Variants in SLC2A13 observed in about 807,000 individuals in gnomAD.
SLC2A13 encodes the protein solute carrier family 2 member 13, also known as proton myo-inositol cotransporter.
Under a neutral mutation model 64.4 loss-of-function variants are expected in SLC2A13, and 32 were observed. The observed-to-expected ratio is 0.50, with a 90% CI of 0.37 to 0.67. The LOEUF (loss-of-function observed/expected upper bound fraction) is 0.67, where lower values mean the gene tolerates loss of function less well. Among genes scored for constraint, SLC2A13 ranks in the 30% least tolerant of loss-of-function variants. The probability of loss-of-function intolerance (pLI) is 0.00; values close to 1 mark genes in which losing one functional copy is unlikely to be tolerated. For missense variants in SLC2A13, 743 were observed against 829.2 expected, an observed-to-expected ratio of 0.90 and a Z score of 1.28; for synonymous variants, 338 against 327.1, an observed-to-expected ratio of 1.03 and a Z score of -0.36.
At chr12:39,860,531 A>C (rs961471649) in intron 6 of SLC2A13, among the ~76,000 whole-genome samples, 2 of 152,154 alleles carry the variant, frequency 1.3e-5, no homozygotes, top group African/African-American at 4.8e-5. Flanking sequence ...CCAAATACCT[A>C]TTCAATATCC....
chr12:40,053,421 T>C (rs1948290669), intron 1 of SLC2A13, among the ~76,000 whole-genome samples: 1 of 152,078 alleles, frequency 6.6e-6, no homozygotes. Context: ...GGCAAGTTAA[T>C]GTCAAAATGG....
chr12:39,941,528 G>T (rs1946025664), intron 4 of SLC2A13, among the ~76,000 whole-genome samples: 1 of 152,176 alleles, frequency 6.6e-6, no homozygotes, highest in Admixed American at 6.5e-5. Context: ...CATTAGTGAT[G>T]TTGAGCATTT....
At chr12:39,902,500 A>T (rs1352090510) in intron 4 of SLC2A13, among the ~76,000 whole-genome samples, 5 of 152,076 alleles carry the variant, frequency 3.3e-5, no homozygotes, top group African/African-American at 9.7e-5. Flanking sequence ...AAACAGTGGC[A>T]TATCTCTGAT....
intron 7 of SLC2A13, among the ~76,000 whole-genome samples, chr12:39,779,309 A>G (rs1236131476): frequency 6.6e-6 from 1 of 152,208 alleles, no homozygotes; most frequent in East Asian, 1.9e-4. Context: ...TAACACTGCC[A>G]TCTGATTGCA....
chr12:39,816,449 AG>A (rs1942343278), intron 7 of SLC2A13, among the ~76,000 whole-genome samples: 1 of 101,418 alleles, frequency 9.9e-6, no homozygotes, highest in African/African-American at 3.8e-5. Context: ...GGGAGGGGGG[AG>A]GGATAGCATT....
At position 39,859,332 on chromosome 12, in the gene SLC2A13, T is replaced by TTTA. The variant is rs1566873946; in HGVS notation, c.1319+5429_1319+5430insTAA. Among the ~76,000 whole-genome samples, 5 of 72,322 alleles carry TTTA rather than the reference T, an allele frequency of 6.9e-5. 1 individual carries two copies. The highest frequency in any genetic ancestry group is 1.9e-4 in the Admixed American group (1 of 5,280). 47.4% of individuals were successfully genotyped at this position (72,322 alleles called of 152,430 possible). On this transcript the variant is annotated intron_variant, in intron 6 of 9. Transcript: ENST00000280871. ...AAGCTGGCAGTTTTTTTTTTTTTTCTGAAAAAAAAAAAAAAAAAAGTGATA... is the reference window on the plus strand; with the variant it reads ...AAGCTGGCAGTTTTTTTTTTTTTTCTTTAGAAAAAAAAAAAAAAAAAAGTGATA...
chr12:40,032,916 G>A (rs1218403284), intron 2 of SLC2A13, among the ~76,000 whole-genome samples: 1 of 152,296 alleles, frequency 6.6e-6, no homozygotes, highest in African/African-American at 2.4e-5. Context: ...TGATGATTAT[G>A]TTCCAAATAT....
At chr12:40,097,682 C>T (rs1052304579) in intron 1 of SLC2A13, among the ~76,000 whole-genome samples, 1 of 152,154 alleles carries the variant, frequency 6.6e-6, no homozygotes. Context: ...CACCATATCA[C>T]TTCATATCCA....
chr12:39,862,960 C>T (rs10784221), intron 6 of SLC2A13, among the ~76,000 whole-genome samples: 30,564 of 151,980 alleles, frequency 0.2, 3,454 homozygotes, highest in Non-Finnish European at 0.27. Context: ...CCATAAAAAC[C>T]CAGTAAGCGG....
rs1288505227 is a variant in SLC2A13, at chr12:40,105,688, G to A, written c.121C>T (p.Leu41Phe). 2 of 1,490,024 alleles carry A rather than the reference G, an allele frequency of 1.3e-6. No homozygotes were observed. The highest frequency in any genetic ancestry group is 1.3e-5 in the South Asian group (1 of 77,610). 92.3% of individuals were successfully genotyped at this position (1,490,024 alleles called of 1,614,324 possible). A position where few individuals can be genotyped will look rare whatever the true frequency, so the allele number is the denominator to read the frequency against. The change falls in exon 1 of 10, where the codon CTC becomes TTC. Residue 41 changes from leucine to phenylalanine, a missense_variant. Around this residue, in one of 2 missense-constraint regions of SLC2A13, gnomAD observed 448 missense variants for 447.4 expected, o/e 1.00. Transcript: ENST00000280871. The surrounding 1 kb of genome is among the most constrained non-coding windows in gnomAD (Gnocchi z 4.2). ...DAASAAGECS[L>F]LAAAESSTSL... ...GTGCTCGATTCGGCGGCAGCCAGGA[G>A]GCTGCACTCCCCGGCCGCGCTCGCC...
intron 7 of SLC2A13, among the ~76,000 whole-genome samples, chr12:39,792,833 C>T (rs1228077453): frequency 4.0e-5 from 6 of 151,186 alleles, no homozygotes; most frequent in African/African-American, 1.5e-4. Flanking sequence ...AAAAGTGGAC[C>T]ACGCAGTTCA....
intron 2 of SLC2A13, among the ~76,000 whole-genome samples, chr12:40,036,246 T>G (rs542430061): frequency 1.3e-5 from 2 of 152,300 alleles, no homozygotes; most frequent in South Asian, 2.1e-4. Flanking sequence ...GGCAGAAACA[T>G]TTATGTTATT....
At chr12:39,916,044 G>C (rs1189755103) in intron 4 of SLC2A13, among the ~76,000 whole-genome samples, 1 of 151,672 alleles carries the variant, frequency 6.6e-6, no homozygotes, top group Admixed American at 6.6e-5. Context: ...CCACCATTGA[G>C]AATATTCAAA....
intron 7 of SLC2A13, among the ~76,000 whole-genome samples, chr12:39,779,240 A>G (rs1940888581): frequency 6.6e-6 from 1 of 152,232 alleles, no homozygotes; most frequent in Non-Finnish European, 1.5e-5. Context: ...AGTTATCCAT[A>G]AAATGAGTAT....
intron 1 of SLC2A13, among the ~76,000 whole-genome samples, chr12:40,091,364 A>C (rs1041028416): frequency 3.3e-5 from 5 of 152,162 alleles, no homozygotes; most frequent in African/African-American, 7.2e-5. Context: ...GATTCTTTAT[A>C]ATTTACTTAT....
intron 7 of SLC2A13, among the ~76,000 whole-genome samples, chr12:39,809,798 G>A (rs570307118): frequency 6.6e-6 from 1 of 152,164 alleles, no homozygotes; most frequent in East Asian, 1.9e-4. Flanking sequence ...GAGAATGATG[G>A]TTTCCAGCTT....
rs2128277 is a variant in SLC2A13, at chr12:39,990,936, C to T, written c.925+37365G>A. Among the ~76,000 whole-genome samples, 51 of 151,906 alleles carry T rather than the reference C, an allele frequency of 3.4e-4. No homozygotes were observed. The South Asian group carries it at 4.2e-3, about 12-fold the overall frequency. On this transcript the variant is annotated intron_variant, in intron 3 of 9. Coordinates refer to ENST00000280871, the MANE Select transcript of SLC2A13 (RefSeq NM_052885.4). ...GGTTCAAGTCTCCTTTTTTCATCAA[C>T]GGAGCTCTCTCTCTCCCCCTGAAGT...
Position 39,895,541 on chromosome 12 carries a change from TATATATATATAC to T in SLC2A13, c.1035-23592_1035-23581del, listed in dbSNP as rs1334780286. Among the ~76,000 whole-genome samples, 12 of 93,504 alleles carry T rather than the reference TATATATATATAC, an allele frequency of 1.3e-4. 1 individual carries two copies. The highest frequency in any genetic ancestry group is 7.7e-4 in the East Asian group (2 of 2,582). 61.3% of individuals were successfully genotyped at this position (93,504 alleles called of 152,430 possible). ...ATATATATATATATATATATATATA[TATATATATATAC>T]ACACACACACACACGTGTATATGTA... is the stretch of plus-strand genomic sequence containing the variant. On this transcript the variant is annotated intron_variant, in intron 4 of 9. Transcript: ENST00000280871.
intron 7 of SLC2A13, among the ~76,000 whole-genome samples, chr12:39,816,708 AAAAC>A (rs1405035603): frequency 3.3e-5 from 5 of 152,102 alleles, no homozygotes; most frequent in East Asian, 1.9e-4. Flanking sequence ...ACTAGGATGA[AAAAC>A]AAACAAATAA....
Sources: allele counts gnomAD v4.1 joint callset (sites outside exome capture counted in the v4.1 genomes callset), GRCh38; gene constraint gnomAD v4.1.1; regional missense constraint gnomAD v4.1.1; non-coding constraint Gnocchi (gnomAD v3.1); transcripts MANE v1.5; gene names NCBI Gene and HGNC (gene_info 2026-07-23, HGNC 2026-07-21).